PRKG1: variants seen among roughly 807,000 people sequenced by gnomAD.
PRKG1 encodes protein kinase cGMP-dependent 1.
PRKG1 carries 35 observed loss-of-function variants against 88.1 expected under a neutral mutation model. The ratio of observed to expected loss-of-function variants is 0.40; its 90% confidence interval spans 0.30 to 0.53. The LOEUF is 0.53. Among genes scored for constraint, PRKG1 ranks in the 20% least tolerant of loss-of-function variants. The probability of loss-of-function intolerance (pLI) is 0.59; values close to 1 mark genes in which losing one functional copy is unlikely to be tolerated. For missense variants in PRKG1, 540 were observed against 839.8 expected (o/e 0.64, Z 4.41); for synonymous variants, 303 against 292.5 (o/e 1.04, Z -0.37).
At chr10:52,271,802 T>A in intron 11 of PRKG1, among the ~76,000 whole-genome samples, 1 of 152,014 alleles carries the variant, frequency 6.6e-6, no homozygotes, top group Non-Finnish European at 1.5e-5. Context: ...AGACAAAATA[T>A]CCAAAATCAA....
At chr10:51,415,802 C>T (rs1838218854) in intron 2 of PRKG1, among the ~76,000 whole-genome samples, 1 of 152,068 alleles carries the variant, frequency 6.6e-6, no homozygotes, top group Non-Finnish European at 1.5e-5. Context: ...ATTTTCGAGA[C>T]CTCATGATCC....
At chr10:52,041,974 T>C (rs1394245495) in intron 5 of PRKG1, among the ~76,000 whole-genome samples, 1 of 151,878 alleles carries the variant, frequency 6.6e-6, no homozygotes, top group Non-Finnish European at 1.5e-5. Flanking sequence ...CACACAAAAA[T>C]TAGATACCTA....
intron 5 of PRKG1, among the ~76,000 whole-genome samples, chr10:52,021,401 C>G (rs57123180): frequency 0.013 from 1,931 of 152,236 alleles, 42 homozygotes; most frequent in African/African-American, 0.045. Flanking sequence ...CAGGCACATG[C>G]TGGATTCTCA....
intron 5 of PRKG1, among the ~76,000 whole-genome samples, chr10:51,993,503 G>C (rs537072418): frequency 6.6e-6 from 1 of 152,062 alleles, no homozygotes; most frequent in Non-Finnish European, 1.5e-5. Flanking sequence ...ATTACCATCT[G>C]TGTGTTATAC....
At chr10:52,145,979 T>C (rs1837717198) in intron 8 of PRKG1, among the ~76,000 whole-genome samples, 1 of 152,172 alleles carries the variant, frequency 6.6e-6, no homozygotes, top group African/African-American at 2.4e-5. Context: ...AGTCATATAA[T>C]TGAATTAGTT....
chr10:52,096,103 T>G (rs1847165044), intron 7 of PRKG1, among the ~76,000 whole-genome samples: 1 of 152,180 alleles, frequency 6.6e-6, no homozygotes, highest in Non-Finnish European at 1.5e-5. Flanking sequence ...TCTGTATCTA[T>G]TCCCAATTTA....
chr10:51,712,447 T>C (rs1248693117), intron 3 of PRKG1, among the ~76,000 whole-genome samples: 1 of 152,162 alleles, frequency 6.6e-6, no homozygotes, highest in Non-Finnish European at 1.5e-5. Context: ...TCTATTGACG[T>C]TTATCTATTA....
intron 3 of PRKG1, among the ~76,000 whole-genome samples, chr10:51,659,828 G>A (rs1158272276): frequency 1.3e-5 from 2 of 152,056 alleles, no homozygotes; most frequent in African/African-American, 2.4e-5. Context: ...TTTTTGAAAT[G>A]TCTGCTTCCA....
In PRKG1 at chr10:51,558,664, A is replaced by G. The variant is rs117920169; in HGVS notation, c.592+90828A>G. The stretch of plus-strand genomic sequence containing the variant: ...CTCAGTGATAAATAAGAATGGTTTC[A>G]TGATACAACTATGTTTGGTTTAAGA... On this transcript the variant is annotated intron_variant, in intron 3 of 17. Coordinates refer to ENST00000373980, the MANE Select transcript of PRKG1 (RefSeq NM_006258.4). Among the ~76,000 whole-genome samples, 95 of 152,262 alleles carry G rather than the reference A, an allele frequency of 6.2e-4. 1 individual carries two copies. The East Asian group carries it at 0.017, about 27-fold the overall frequency.
intron 2 of PRKG1, among the ~76,000 whole-genome samples, chr10:51,441,164 G>A (rs1027993436): frequency 1.2e-4 from 18 of 151,770 alleles, no homozygotes; most frequent in African/African-American, 4.4e-4. Context: ...ATGATGGGCA[G>A]TTTATTGAAA....
At chr10:51,930,571 G>A (rs7081864) in intron 5 of PRKG1, among the ~76,000 whole-genome samples, 57,944 of 143,900 alleles carry the variant, frequency 0.4, 13,130 homozygotes, top group African/African-American at 0.63. Context: ...GCTCACTGCA[G>A]CTTCTGCCTC....
chr10:51,258,658 C>T (rs976358938), intron 2 of PRKG1, among the ~76,000 whole-genome samples: 2 of 152,214 alleles, frequency 1.3e-5, no homozygotes, highest in African/African-American at 2.4e-5. Context: ...GCTTCAGTGA[C>T]TGTGTGGCCA....
intron 3 of PRKG1, among the ~76,000 whole-genome samples, chr10:51,474,016 G>T (rs1840124945): frequency 6.6e-6 from 1 of 151,928 alleles, no homozygotes; most frequent in Admixed American, 6.6e-5. Flanking sequence ...AAACCTTCCT[G>T]CCTATAGGTC....
intron 5 of PRKG1, among the ~76,000 whole-genome samples, chr10:51,980,202 G>T (rs12414809): frequency 0.1 from 15,622 of 152,140 alleles, 1,194 homozygotes; most frequent in East Asian, 0.32. Flanking sequence ...TAGTTTCAAA[G>T]AACTTCTTGA....
At chr10:51,767,751 TTCA>T (rs1284493531) in intron 3 of PRKG1, among the ~76,000 whole-genome samples, 1 of 152,204 alleles carries the variant, frequency 6.6e-6, no homozygotes, top group Non-Finnish European at 1.5e-5. Context: ...TTTATCTTCC[TTCA>T]TCATTTTATT....
rs1589434997 is a variant in PRKG1, at chr10:51,935,414, G to A, written c.762+27844G>A. On this transcript the variant is annotated intron_variant, in intron 5 of 17. Transcript: ENST00000373980. ...ACACAAGAGCAATTATTGGAGAGGC[G>A]ATTCAATTCGGTAAACAGTTACCGA... 3.3e-5 allele frequency among the ~76,000 whole-genome samples: 5 copies of A among 152,116 alleles called. No individual in the cohort carries two copies. The South Asian group carries it at 6.2e-4, about 19-fold the overall frequency.
chr10:51,833,705 T>C (rs577622729), intron 4 of PRKG1, among the ~76,000 whole-genome samples: 1 of 152,280 alleles, frequency 6.6e-6, no homozygotes. Context: ...GTGAGAACAT[T>C]AAAAATTAAC....
intron 7 of PRKG1, among the ~76,000 whole-genome samples, chr10:52,071,238 T>C (rs1200490783): frequency 6.6e-6 from 1 of 152,170 alleles, no homozygotes; most frequent in Non-Finnish European, 1.5e-5. Context: ...AATACTCCCA[T>C]GGCCCAAGTA....
chr10:51,972,914 A>G (rs1432764077), intron 5 of PRKG1, among the ~76,000 whole-genome samples: 1 of 152,020 alleles, frequency 6.6e-6, no homozygotes, highest in Non-Finnish European at 1.5e-5. Flanking sequence ...AGCAATTCCT[A>G]GGGTATCACT....
Sources: gnomAD v4.1 joint callset for allele counts (sites outside exome capture counted in the v4.1 genomes callset) on GRCh38, gnomAD v4.1.1 for gene constraint, MANE v1.5 for transcripts, NCBI Gene and HGNC (gene_info 2026-07-23, HGNC 2026-07-21) for gene names.